MECOM: variants seen among roughly 807,000 people sequenced by gnomAD.
MECOM encodes the protein MDS1 and EVI1 complex locus.
Under a neutral mutation model 116.3 loss-of-function variants are expected in MECOM, and 13 were observed. That is an observed-to-expected ratio of 0.11 (90% CI 0.07 to 0.18). MECOM has a LOEUF of 0.18. Ranked by LOEUF, MECOM falls within the 10% of genes least tolerant of loss-of-function variation. MECOM has a pLI of 1.00. For synonymous variants in MECOM, 528 were observed against 535.2 expected, an observed-to-expected ratio of 0.99 and a Z score of 0.19; for missense variants, 1,299 against 1,509.0, an observed-to-expected ratio of 0.86 and a Z score of 2.31.
intron 1 of MECOM, among the ~76,000 whole-genome samples, chr3:169,488,773 T>A (rs1578245725): frequency 6.6e-6 from 1 of 151,884 alleles, no homozygotes; most frequent in South Asian, 2.1e-4. Flanking sequence ...CTAAATAATA[T>A]TGACAACATT....
rs1719776237 is a variant in MECOM at position 169,091,705 on chromosome 3, C to G, written c.3164+1253G>C. Reference sequence around the variant, plus strand: ...ACTGCACACTGGTGTAGTTATCAGACTTCTCAGAGACTGGAAGGGTCTTTT... The same window carrying G: ...ACTGCACACTGGTGTAGTTATCAGAGTTCTCAGAGACTGGAAGGGTCTTTT... On this transcript the variant is annotated intron_variant, in intron 14 of 16. Coordinates refer to ENST00000651503, the MANE Select transcript of MECOM (RefSeq NM_004991.4). Among the ~76,000 whole-genome samples the G allele has an allele frequency of 2.0e-5, 3 of 152,040 alleles. No homozygotes were observed. In the South Asian group the frequency reaches 6.2e-4, roughly 32 times the overall value.
At chr3:169,562,919 C>A (rs1487694638) in intron 1 of MECOM, among the ~76,000 whole-genome samples, 1 of 151,934 alleles carries the variant, frequency 6.6e-6, no homozygotes, top group Non-Finnish European at 1.5e-5. Context: ...AAAAAATTAG[C>A]CAGGCGTGGT....
At chr3:169,372,747 C>T (rs1730352079) in intron 2 of MECOM, among the ~76,000 whole-genome samples, 1 of 152,088 alleles carries the variant, frequency 6.6e-6, no homozygotes, top group Non-Finnish European at 1.5e-5. Flanking sequence ...TGCTAAGCTC[C>T]TGACACACAA....
intron 1 of MECOM, among the ~76,000 whole-genome samples, chr3:169,382,674 G>A (rs1233051881): frequency 1.3e-5 from 2 of 151,646 alleles, no homozygotes; most frequent in East Asian, 1.9e-4. Context: ...GACTTCGATC[G>A]AGCTAGTCAA....
chr3:169,432,484 C>T (rs548453136), intron 1 of MECOM, among the ~76,000 whole-genome samples: 4 of 152,106 alleles, frequency 2.6e-5, no homozygotes, highest in Non-Finnish European at 4.4e-5. Flanking sequence ...CATTATTTAG[C>T]CTTAGCTGAT....
intron 2 of MECOM, among the ~76,000 whole-genome samples, chr3:169,144,501 A>G (rs911584510): frequency 2.6e-5 from 4 of 152,206 alleles, no homozygotes; most frequent in African/African-American, 9.6e-5. Flanking sequence ...CTCCTTGTGA[A>G]CAAATAAAAA....
intron 2 of MECOM, among the ~76,000 whole-genome samples, chr3:169,349,488 A>G (rs896263374): frequency 1.3e-5 from 2 of 151,850 alleles, no homozygotes; most frequent in Non-Finnish European, 2.9e-5. Context: ...CTTGGTGTTC[A>G]CATGTTTAAT....
At position 169,143,935 on chromosome 3, in the gene MECOM, G is replaced by T. The variant is rs1008808568; in HGVS notation, c.376-103C>A. On this transcript the variant is annotated intron_variant, in intron 2 of 16. Transcript: ENST00000651503. ...CATTGAAATGTATATTCCTTCTTTGGATCCTTAAAAAAAGTCAGATCACAA... is the reference window on the plus strand; with the variant it reads ...CATTGAAATGTATATTCCTTCTTTGTATCCTTAAAAAAAGTCAGATCACAA... 3 of 1,315,960 alleles carry T rather than the reference G, an allele frequency of 2.3e-6. No homozygotes were observed. The African/African-American group carries it at 4.5e-5, about 20-fold the overall frequency. 81.5% of individuals were successfully genotyped at this position (1,315,960 alleles called of 1,614,324 possible). A position where few individuals can be genotyped will look rare whatever the true frequency, so the allele number is the denominator to read the frequency against.
At chr3:169,656,520 C>T (rs1775563883) in intron 1 of MECOM, among the ~76,000 whole-genome samples, 1 of 152,096 alleles carries the variant, frequency 6.6e-6, no homozygotes, top group South Asian at 2.1e-4. Context: ...TGAAACAGTT[C>T]TTTAACCACA....
At chr3:169,118,260 C>T (rs1490720727) in intron 7 of MECOM, among the ~76,000 whole-genome samples, 1 of 152,086 alleles carries the variant, frequency 6.6e-6, no homozygotes, top group Admixed American at 6.5e-5. Flanking sequence ...TTGCATATAT[C>T]AAAGTGTTTG....
At chr3:169,606,755 A>G (rs1768625188) in intron 1 of MECOM, among the ~76,000 whole-genome samples, 2 of 152,198 alleles carry the variant, frequency 1.3e-5, no homozygotes, top group Admixed American at 6.5e-5. Flanking sequence ...ATATGGTCAG[A>G]GCTGACTCAC....
At chr3:169,200,479 C>T (rs1748997397) in intron 2 of MECOM, among the ~76,000 whole-genome samples, 1 of 151,746 alleles carries the variant, frequency 6.6e-6, no homozygotes. Flanking sequence ...AAAAAAAATT[C>T]AAAAGGGAAT....
At chr3:169,426,656 G>C (rs892212363) in intron 1 of MECOM, among the ~76,000 whole-genome samples, 3 of 152,206 alleles carry the variant, frequency 2.0e-5, no homozygotes, top group Non-Finnish European at 4.4e-5. Flanking sequence ...CCAGTTTATA[G>C]CAGTCACAAA....
At chr3:169,639,505 A>G (rs374513132) in intron 1 of MECOM, among the ~76,000 whole-genome samples, 1 of 152,194 alleles carries the variant, frequency 6.6e-6, no homozygotes, top group East Asian at 1.9e-4. Context: ...CATTAAGAAT[A>G]ATAGAACCAG....
At chr3:169,232,810 A>G (rs1753562358) in intron 2 of MECOM, among the ~76,000 whole-genome samples, 1 of 152,036 alleles carries the variant, frequency 6.6e-6, no homozygotes, top group African/African-American at 2.4e-5. Flanking sequence ...GGCCCCAAAC[A>G]CTGTATGTTG....
chr3:169,576,358 G>A (rs1043498652), intron 1 of MECOM, among the ~76,000 whole-genome samples: 7 of 152,118 alleles, frequency 4.6e-5, no homozygotes, highest in Non-Finnish European at 1.0e-4. Flanking sequence ...ATAAAAGGAT[G>A]CTGTGTATGT....
intron 1 of MECOM, among the ~76,000 whole-genome samples, chr3:169,413,247 A>C (rs1028529086): frequency 5.3e-5 from 8 of 152,212 alleles, no homozygotes; most frequent in African/African-American, 1.9e-4. Context: ...TGCAAAGCGC[A>C]AGGGGTTGGG....
chr3:169,299,654 C>T lies in MECOM; in HGVS notation c.375+81533G>A, dbSNP rs543553258. ...TCTACTGAACTTCATGAATCACAGC[C>T]CCATTCCATATGCATAATTCCATAT... is the stretch of plus-strand genomic sequence containing the variant. On this transcript the variant is annotated intron_variant, in intron 2 of 16. Coordinates refer to ENST00000651503, the MANE Select transcript of MECOM (RefSeq NM_004991.4). Among the ~76,000 whole-genome samples, 154 of 152,238 alleles carry T rather than the reference C, an allele frequency of 1.0e-3. 1 individual carries two copies. The highest frequency in any genetic ancestry group is 3.5e-3 in the African/African-American group (146 of 41,560).
chr3:169,461,711 T>C (rs556785644), intron 1 of MECOM, among the ~76,000 whole-genome samples: 18 of 152,138 alleles, frequency 1.2e-4, no homozygotes, highest in Non-Finnish European at 2.5e-4. Flanking sequence ...TATAAGTTAA[T>C]CACAGCTGCC....
Sources: allele counts gnomAD v4.1 joint callset (sites outside exome capture counted in the v4.1 genomes callset), GRCh38; gene constraint gnomAD v4.1.1; transcripts MANE v1.5; gene names NCBI Gene and HGNC (gene_info 2026-07-23, HGNC 2026-07-21).